Variants in ASB10 observed in about 807,000 individuals in gnomAD.
ASB10 encodes ankyrin repeat and SOCS box protein 10.
In ASB10, 44 loss-of-function variants were observed where a neutral mutation model predicts 35.4. That is an observed-to-expected ratio of 1.24 (90% confidence interval 0.98 to 1.60). The LOEUF is 1.60. Among genes scored for constraint, ASB10 ranks in the 40% most tolerant of loss-of-function variants. The pLI is 0.00. For missense variants in ASB10, 647 were observed against 634.3 expected (o/e 1.02, Z -0.22); for synonymous variants, 294 against 280.4 (o/e 1.05, Z -0.49).
chr7:151,185,723 C>T (rs2150560086), intron 2 of ASB10, among the ~76,000 whole-genome samples: 1 of 152,308 alleles, frequency 6.6e-6, no homozygotes, highest in African/African-American at 2.4e-5. Context: ...GGATCCCATC[C>T]TACAACGTTC....
intron 2 of ASB10, among the ~76,000 whole-genome samples, chr7:151,184,755 G>T (rs1343618162): frequency 1.3e-5 from 2 of 152,170 alleles, no homozygotes. Flanking sequence ...GGGCACGGTG[G>T]CTCGTGCCTG....
At chr7:151,181,509 A>C (rs1444394932) in intron 2 of ASB10, 51 bp from the exon 3 acceptor site, 2 of 1,524,220 alleles carry the variant, frequency 1.3e-6, no homozygotes, top group African/African-American at 2.7e-5. Flanking sequence ...GACCCCTGGC[A>C]GGAACACACT....
At chr7:151,182,824 T>C (rs1021009218) in intron 2 of ASB10, among the ~76,000 whole-genome samples, 1 of 152,156 alleles carries the variant, frequency 6.6e-6, no homozygotes, top group African/African-American at 2.4e-5. Flanking sequence ...GGGCTCAAAA[T>C]GACGACACTT....
At chr7:151,181,582 T>G (rs1801495812) in intron 2 of ASB10, 124 bp from the exon 3 acceptor site, 1 of 1,391,092 alleles carries the variant, frequency 7.2e-7, no homozygotes, top group Non-Finnish European at 9.4e-7. Context: ...CTGGTCATCC[T>G]GGCACCATTC....
chr7:151,180,154 T>A (rs1801458247), intron 3 of ASB10, among the ~76,000 whole-genome samples: 1 of 152,072 alleles, frequency 6.6e-6, no homozygotes, highest in African/African-American at 2.4e-5. Context: ...AGAACGGATG[T>A]CCCCATCCCA....
At chr7:151,183,434 G>T (rs556943687) in intron 2 of ASB10, among the ~76,000 whole-genome samples, 4 of 152,204 alleles carry the variant, frequency 2.6e-5, no homozygotes, top group African/African-American at 7.2e-5. Flanking sequence ...TTGAGATAAG[G>T]TCTCTCTCTG....
Position 151,176,114 on chromosome 7 carries a change from A to C in ASB10, c.1402T>G (p.Ter468GluextTer6). 3.1e-6 allele frequency: 5 copies of C among 1,611,094 alleles called. No homozygotes were observed. The highest frequency in any genetic ancestry group is 3.4e-6 in the Non-Finnish European group (4 of 1,179,678). Residue 468 changes from the stop codon to glutamate, a stop_lost and splice_region_variant, in exon 5 of 6, where the codon TAG becomes GAG. Transcript: ENST00000420175. ...LQLDFEGVLY* is the reference protein window; with the variant it reads ...LQLDFEGVLYE The stretch of plus-strand genomic sequence containing the variant: ...TGCTCACAGATCCCGGGGCTCACCT[A>C]GTAGAGCACGCCCTCAAAATCCAGC...
chr7:151,178,378 G>A (rs942901746), intron 3 of ASB10, among the ~76,000 whole-genome samples: 12 of 152,238 alleles, frequency 7.9e-5, no homozygotes, highest in Non-Finnish European at 1.8e-4. Context: ...CAGTGGAGCA[G>A]CCTGTGGACA....
In ASB10 at chr7:151,186,913, A is replaced by G; in HGVS notation, c.218T>C (p.Ile73Thr). Residue 73 changes from isoleucine to threonine, a missense_variant, in exon 1 of 6, where the codon ATC (isoleucine) becomes ACC (threonine). Transcript: ENST00000420175. Reference sequence around the variant, plus strand: ...CAGGCCAGTACTGGAGTCCGCGAGGATGCGGGAGACACAGCCCACGTCCCC... The same window carrying G: ...CAGGCCAGTACTGGAGTCCGCGAGGGTGCGGGAGACACAGCCCACGTCCCC... The part of the protein sequence containing the change: ...LAGDVGCVSR[I>T]LADSSTGLAP... The G allele has an allele frequency of 6.2e-7, 1 of 1,614,034 alleles. No individual in the cohort carries two copies. The highest frequency in any genetic ancestry group is 8.5e-7 in the Non-Finnish European group (1 of 1,180,034).
rs772450915 is a variant in ASB10 at position 151,181,463 on chromosome 7, T to C, written c.585-5A>G. 1.3e-6 allele frequency: 2 copies of C among 1,574,318 alleles called. No homozygotes were observed. Among genetic ancestry groups the C allele is most frequent in the East Asian group, 2.3e-5 (1 of 44,228 alleles). On this transcript the variant is annotated splice_region_variant and splice_polypyrimidine_tract_variant and intron_variant, in intron 2 of 5. Coordinates refer to ENST00000420175, the MANE Select transcript of ASB10 (RefSeq NM_001142459.2). ...CTGAGGAGCAGCTCCGCACACCTAT[T>C]GGGGGGAGACGGTGGTGGGGAGGAA... is the stretch of plus-strand genomic sequence containing the variant.
rs377269563 is a variant in ASB10, at chr7:151,181,372, C to G, written c.671G>C (p.Arg224Pro). Reference sequence around the variant, plus strand: ...ATCTGCCAGCTCCACATGGCCAAGCCGGGCGGCCACATGCAAAGGGGTCTC... The same window carrying G: ...ATCTGCCAGCTCCACATGGCCAAGCGGGGCGGCCACATGCAAAGGGGTCTC... ...EEETPLHVAARLGHVELADLL... is the reference protein window; with the variant it reads ...EEETPLHVAAPLGHVELADLL... The change falls in exon 3 of 6, where the codon CGG (arginine) becomes CCG (proline). Residue 224 changes from arginine to proline, a missense_variant. Physicochemically the swap from Arg to Pro is moderately radical, Grantham distance 103. Transcript: ENST00000420175. 4 of 1,613,004 alleles carry G rather than the reference C, an allele frequency of 2.5e-6. No homozygotes were observed. The highest frequency in any genetic ancestry group is 3.4e-6 in the Non-Finnish European group (4 of 1,179,900).
chr7:151,176,015 G>T (rs1801378363), intron 5 of ASB10, 49 bp from the exon 6 acceptor site: 2 of 1,405,938 alleles, frequency 1.4e-6, no homozygotes, highest in Non-Finnish European at 1.9e-6. Flanking sequence ...TCGGGGACGG[G>T]CCGGTTCTGG....
chr7:151,182,274 G>A (rs546326177), intron 2 of ASB10, among the ~76,000 whole-genome samples: 17 of 152,232 alleles, frequency 1.1e-4, no homozygotes, highest in Admixed American at 4.6e-4. Flanking sequence ...ATGGGGCAGT[G>A]GGATAAAGAA....
At chr7:151,185,674 C>G (rs1801576022) in intron 2 of ASB10, among the ~76,000 whole-genome samples, 1 of 152,144 alleles carries the variant, frequency 6.6e-6, no homozygotes, top group Non-Finnish European at 1.5e-5. Flanking sequence ...GAGAGAGGGC[C>G]TCTATAGGAT....
intron 3 of ASB10, among the ~76,000 whole-genome samples, chr7:151,180,703 A>G (rs1239549019): frequency 6.6e-6 from 1 of 152,194 alleles, no homozygotes; most frequent in East Asian, 1.9e-4. Flanking sequence ...GAACACATGT[A>G]TACACACGCA....
Position 151,186,892 on chromosome 7 carries a change from C to A in ASB10, c.239G>T (p.Gly80Val). 2.5e-6 allele frequency: 4 copies of A among 1,613,916 alleles called. No homozygotes were observed. The highest frequency in any genetic ancestry group is 3.4e-6 in the Non-Finnish European group (4 of 1,179,960). ...VSRILADSST[G>V]LAPDSVFDTS... is the part of the protein sequence containing the mutation. ...ATCAAAGACGGAATCAGGAGCCAGG[C>A]CAGTACTGGAGTCCGCGAGGATGCG... is the stretch of plus-strand genomic sequence containing the variant. The change falls in exon 1 of 6, where the codon GGC becomes GTC. Residue 80 changes from glycine (G) to valine (V), a missense_variant. Gly to Val is a moderately radical substitution (Grantham distance 109). Transcript: ENST00000420175.
rs1801383277 is a variant in ASB10, at chr7:151,176,182, A to T, written c.1334T>A (p.Leu445Gln). Residue 445 changes from leucine (L) to glutamine (Q), a missense_variant, in exon 5 of 6, where the codon CTG becomes CAG. Leu to Gln is a moderately radical substitution (Grantham distance 113). Coordinates refer to ENST00000420175, the MANE Select transcript of ASB10 (RefSeq NM_001142459.2). Reference protein sequence around the residue: ...SHLEGSLPQALPRLPLPPRLL... With the variant: ...SHLEGSLPQAQPRLPLPPRLL... ...GCGCGGTGGCAGGGGGAGGCGGGGC[A>T]GCGCTTGGGGCAGGCTGCCCTCCAG... 6.2e-7 allele frequency: 1 copy of T among 1,611,190 alleles called. No individual in the cohort carries two copies. Among genetic ancestry groups the T allele is most frequent in the African/African-American group, 1.3e-5 (1 of 74,876 alleles).
intron 3 of ASB10, 126 bp from the exon 4 acceptor site, chr7:151,176,802 C>T: frequency 3.1e-6 from 2 of 649,330 alleles, no homozygotes; most frequent in Non-Finnish European, 5.4e-6. Flanking sequence ...CCCCCTGTAC[C>T]TATGAATGGG....
chr7:151,187,663 G>C (rs104886464), upstream of ASB10: 1 of 1,516,792 alleles, frequency 6.6e-7, no homozygotes, highest in Non-Finnish European at 8.9e-7. The surrounding 1 kb of genome is among the most constrained non-coding windows in gnomAD (Gnocchi z 5.3). Context: ...AGGCCGGGGC[G>C]GAGGGAAGGC....
Sources: gnomAD v4.1 joint callset for allele counts (sites outside exome capture counted in the v4.1 genomes callset) on GRCh38, gnomAD v4.1.1 for gene constraint, Gnocchi (gnomAD v3.1) non-coding constraint, MANE v1.5 for transcripts, NCBI Gene and HGNC (gene_info 2026-07-23, HGNC 2026-07-21) for gene names.